Variants in FOXP1 observed in about 807,000 individuals in gnomAD.
The protein encoded by FOXP1 is forkhead box P1.
A neutral mutation model predicts 98.2 loss-of-function variants in FOXP1; 15 were observed. That is an observed-to-expected ratio of 0.15 (90% CI 0.10 to 0.24). The LOEUF is 0.24. FOXP1 is among the 10% of genes least tolerant of loss of function. The pLI is 1.00. For missense variants in FOXP1, 633 were observed against 848.5 expected (o/e 0.75, Z 3.15); for synonymous variants, 371 against 314.5 (o/e 1.18, Z -1.90).
At chr3:71,396,740 A>C (rs1229900653) in intron 3 of FOXP1, among the ~76,000 whole-genome samples, 1 of 137,808 alleles carries the variant, frequency 7.3e-6, no homozygotes, top group Admixed American at 6.9e-5. Flanking sequence ...AGAGCATTAA[A>C]CCAAGTGTGG....
Position 71,103,941 on chromosome 3 carries a change from C to G in FOXP1, c.282+8595G>C, listed in dbSNP as rs560000573. Reference sequence around the variant, plus strand: ...ATTGTGTACAAAAATTCTAAATCAACTTAAGATGTTCCCCCCCCAAAAAAA... The same window carrying G: ...ATTGTGTACAAAAATTCTAAATCAAGTTAAGATGTTCCCCCCCCAAAAAAA... On this transcript the variant is annotated intron_variant, in intron 7 of 20. Coordinates refer to ENST00000649528, the MANE Select transcript of FOXP1 (RefSeq NM_001349338.3). Among the ~76,000 whole-genome samples the G allele has an allele frequency of 3.3e-5, 5 of 152,046 alleles. No homozygotes were observed. The South Asian group carries it at 1.0e-3, about 32-fold the overall frequency.
chr3:71,583,970 G>A, upstream of FOXP1: 2 of 966,764 alleles, frequency 2.1e-6, no homozygotes, highest in South Asian at 4.8e-5. Context: ...CGTTCGCCGG[G>A]GCGCTGGCGC....
At chr3:70,969,319 CTACAAG>C (rs1367816008) in intron 19 of FOXP1, 2 of 152,122 alleles carry the variant, frequency 1.3e-5, no homozygotes, top group Admixed American at 6.5e-5. Flanking sequence ...ACTGTGTAAA[CTACAAG>C]TAATTAAAAG....
At chr3:71,491,723 T>A (rs1411788034) in intron 3 of FOXP1, among the ~76,000 whole-genome samples, 1 of 152,112 alleles carries the variant, frequency 6.6e-6, no homozygotes, top group African/African-American at 2.4e-5. Context: ...TCTTTGAAAA[T>A]CATCTGGTCT....
Position 71,487,671 on chromosome 3 carries a change from C to T in FOXP1, c.-168+5755G>A, listed in dbSNP as rs551646753. ...ATCGAAAGTGTGTCAAGAATGTTTG[C>T]CACCTCTAATTTAGCCAAAAGGTTT... is the stretch of plus-strand genomic sequence containing the variant. On this transcript the variant is annotated intron_variant, in intron 3 of 20. Coordinates refer to ENST00000649528, the MANE Select transcript of FOXP1 (RefSeq NM_001349338.3). 2.0e-5 allele frequency among the ~76,000 whole-genome samples: 3 copies of T among 152,298 alleles called. No homozygotes were observed. The South Asian group carries it at 6.2e-4, about 32-fold the overall frequency.
At chr3:71,071,604 C>T (rs778777986) in intron 7 of FOXP1, among the ~76,000 whole-genome samples, 1 of 152,140 alleles carries the variant, frequency 6.6e-6, no homozygotes, top group Non-Finnish European at 1.5e-5. Context: ...GATGGAGTCT[C>T]GCTCTTGTCA....
At chr3:71,424,514 C>CACCAT (rs1450764577) in intron 3 of FOXP1, among the ~76,000 whole-genome samples, 1 of 152,172 alleles carries the variant, frequency 6.6e-6, no homozygotes, top group Non-Finnish European at 1.5e-5. Context: ...CACCACACCA[C>CACCAT]ACCATGGAAA....
intron 11 of FOXP1, among the ~76,000 whole-genome samples, chr3:71,020,280 C>T (rs2045235929): frequency 6.6e-6 from 1 of 151,944 alleles, no homozygotes. Flanking sequence ...GATACCAAAT[C>T]CAGTATATAT....
At chr3:71,136,670 C>T (rs536553360) in intron 6 of FOXP1, among the ~76,000 whole-genome samples, 148 of 152,286 alleles carry the variant, frequency 9.7e-4, no homozygotes, top group African/African-American at 3.0e-3. Context: ...GTGCTAAGTC[C>T]ATCAACAACT....
chr3:71,312,968 G>A (rs1211342164), intron 4 of FOXP1, among the ~76,000 whole-genome samples: 3 of 152,052 alleles, frequency 2.0e-5, no homozygotes, highest in Non-Finnish European at 4.4e-5. Context: ...TCCAGCCTGG[G>A]TGACAGAGTG....
At chr3:70,972,322 AT>A in intron 18 of FOXP1, 1 of 899,826 alleles carries the variant, frequency 1.1e-6, no homozygotes, top group East Asian at 2.6e-5. Flanking sequence ...GAGGGTTAAT[AT>A]GCATTGCCAC....
At chr3:71,082,363 C>T (rs576625527) in intron 7 of FOXP1, among the ~76,000 whole-genome samples, 18 of 150,934 alleles carry the variant, frequency 1.2e-4, no homozygotes, top group African/African-American at 4.4e-4. Context: ...ATATGAAAGC[C>T]ACCACATAAA....
chr3:71,319,447 TGAAATTTA>T (rs1272159522), intron 4 of FOXP1, among the ~76,000 whole-genome samples: 3 of 152,184 alleles, frequency 2.0e-5, no homozygotes, highest in African/African-American at 7.2e-5. Context: ...TTCATAGTTC[TGAAATTTA>T]AAAAAAGATT....
At chr3:71,282,218 T>C (rs2071648825) in intron 5 of FOXP1, among the ~76,000 whole-genome samples, 1 of 152,142 alleles carries the variant, frequency 6.6e-6, no homozygotes, top group South Asian at 2.1e-4. Context: ...AGAGAATATT[T>C]CAAATACAGT....
intron 5 of FOXP1, among the ~76,000 whole-genome samples, chr3:71,271,981 T>A (rs915617428): frequency 5.3e-5 from 8 of 152,208 alleles, no homozygotes; most frequent in African/African-American, 1.9e-4. Flanking sequence ...GGCATTGTTC[T>A]TGTACTCAAA....
intron 19 of FOXP1, chr3:70,969,731 C>CACAAG (rs1442644922): frequency 5.3e-5 from 8 of 152,182 alleles, no homozygotes; most frequent in African/African-American, 1.7e-4. Flanking sequence ...TTTGGAAGGA[C>CACAAG]ACAAGACATT....
intron 3 of FOXP1, among the ~76,000 whole-genome samples, chr3:71,369,786 C>T (rs1030604081): frequency 3.3e-5 from 5 of 152,154 alleles, no homozygotes; most frequent in Non-Finnish European, 7.3e-5. Context: ...TTAATCAACT[C>T]AGAGGGAAAG....
At chr3:71,131,888 G>GA (rs1559997113) in intron 6 of FOXP1, among the ~76,000 whole-genome samples, 3 of 152,140 alleles carry the variant, frequency 2.0e-5, no homozygotes, top group South Asian at 4.1e-4. Context: ...TAGGCTGGGG[G>GA]AAAAAATGGG....
intron 6 of FOXP1, among the ~76,000 whole-genome samples, chr3:71,194,756 A>G (rs1020809309): frequency 6.6e-6 from 1 of 152,244 alleles, no homozygotes; most frequent in Non-Finnish European, 1.5e-5. Flanking sequence ...CAGATAAAAG[A>G]AAATGTTCAG....
Sources: allele counts gnomAD v4.1 joint callset (sites outside exome capture counted in the v4.1 genomes callset), GRCh38; gene constraint gnomAD v4.1.1; transcripts MANE v1.5; gene names NCBI Gene and HGNC (gene_info 2026-07-23, HGNC 2026-07-21).